Variants in ADAMTS12 observed in about 807,000 individuals in gnomAD.
ADAMTS12 encodes the protein ADAM metallopeptidase with thrombospondin type 1 motif 12, also known as A disintegrin and metalloproteinase with thrombospondin motifs 12.
A neutral mutation model predicts 167.8 loss-of-function variants in ADAMTS12; 118 were observed. The observed-to-expected ratio is 0.70, with a 90% CI of 0.61 to 0.82. The LOEUF is 0.82. ADAMTS12 is among the 40% of genes least tolerant of loss of function. The pLI is 0.00. For synonymous variants in ADAMTS12, 704 were observed against 716.9 expected, an observed-to-expected ratio of 0.98 and a Z score of 0.29; for missense variants, 1,916 against 1,998.8, an observed-to-expected ratio of 0.96 and a Z score of 0.79.
chr5:33,628,185 G>C (rs372125978), intron 13 of ADAMTS12, among the ~76,000 whole-genome samples: 26 of 152,074 alleles, frequency 1.7e-4, no homozygotes, highest in African/African-American at 6.3e-4. Context: ...AGGAGTCCAG[G>C]AGCTGAAGTC....
chr5:33,538,060 G>A lies in ADAMTS12; in HGVS notation c.4447-3068C>T, dbSNP rs149247027. On this transcript the variant is annotated intron_variant, in intron 22 of 23. Transcript: ENST00000504830. ...CAACTTTCTGAAAGCACAACCCAGT[G>A]GCCTTCACCTCATGCCATGTGTATT... Among the ~76,000 whole-genome samples, 613 of 152,204 alleles carry A rather than the reference G, an allele frequency of 4.0e-3. 5 individuals are homozygous for A. Among genetic ancestry groups the A allele is most frequent in the Non-Finnish European group, 7.1e-3 (486 of 68,016 alleles).
intron 14 of ADAMTS12, among the ~76,000 whole-genome samples, chr5:33,616,643 T>C (rs1244467222): frequency 6.6e-6 from 1 of 152,258 alleles, no homozygotes; most frequent in Non-Finnish European, 1.5e-5. Flanking sequence ...CAACTCTGAG[T>C]ACAGCCTTTT....
rs951567000 is a variant in ADAMTS12 at position 33,535,051 on chromosome 5, C to A, written c.4447-59G>T. 6.0e-6 allele frequency: 9 copies of A among 1,496,994 alleles called. No homozygotes were observed. The Admixed American group carries it at 1.2e-4, about 19-fold the overall frequency. 92.7% of individuals were successfully genotyped at this position (1,496,994 alleles called of 1,614,324 possible). On this transcript the variant is annotated intron_variant, in intron 22 of 23. Coordinates refer to ENST00000504830, the MANE Select transcript of ADAMTS12 (RefSeq NM_030955.4). Reference sequence around the variant, plus strand: ...CTCCCCACGACTCCCAAGGAAACACCAGTAGAACACCTCCAATCCCACTGT... The same window carrying A: ...CTCCCCACGACTCCCAAGGAAACACAAGTAGAACACCTCCAATCCCACTGT...
chr5:33,624,300 C>T lies in ADAMTS12; in HGVS notation c.2074G>A (p.Gly692Ser), dbSNP rs766189241. 1.2e-5 allele frequency: 20 copies of T among 1,613,948 alleles called. No individual in the cohort carries two copies. The highest frequency in any genetic ancestry group is 2.7e-5 in the African/African-American group (2 of 74,912). The change falls in exon 14 of 24, where the codon GGT (glycine) becomes AGT (serine). Residue 692 changes from glycine (G) to serine (S), a missense_variant. By Grantham distance (56) the Gly-to-Ser change is moderately conservative. Transcript: ENST00000504830. ...IDSNATEDRC[G>S]VCLGDGSSCQ... Reference sequence around the variant, plus strand: ...GAAGAGCCATCTCCCAGGCACACACCGCAGCGATCCTCGGTGGCATTGGAA... The same window carrying T: ...GAAGAGCCATCTCCCAGGCACACACTGCAGCGATCCTCGGTGGCATTGGAA...
rs558037300 is a variant in ADAMTS12 at position 33,754,001 on chromosome 5, G to T, written c.490-2453C>A. ...AATAGGTAGGAGAGGGGATGAAGCA[G>T]CTGTAGGGAGAGTGAGGTGGGGAAT... On this transcript the variant is annotated intron_variant, in intron 2 of 23. Coordinates refer to ENST00000504830, the MANE Select transcript of ADAMTS12 (RefSeq NM_030955.4). Among the ~76,000 whole-genome samples, 3 of 152,326 alleles carry T rather than the reference G, an allele frequency of 2.0e-5. No individual in the cohort carries two copies. In the South Asian group the frequency reaches 6.2e-4, roughly 32 times the overall value.
intron 19 of ADAMTS12, among the ~76,000 whole-genome samples, chr5:33,562,446 T>G (rs1745792800): frequency 6.6e-6 from 1 of 152,126 alleles, no homozygotes. Context: ...TGATTTTTCT[T>G]GCATCCCCTC....
chr5:33,699,481 G>A (rs149653231), intron 3 of ADAMTS12, among the ~76,000 whole-genome samples: 5 of 152,064 alleles, frequency 3.3e-5, no homozygotes, highest in African/African-American at 7.2e-5. Flanking sequence ...TAAAATATAC[G>A]AGAAAAATGT....
chr5:33,835,907 A>ATCTCTCTCTCTC (rs60393220), intron 2 of ADAMTS12, among the ~76,000 whole-genome samples: 49 of 111,718 alleles, frequency 4.4e-4, no homozygotes, highest in African/African-American at 1.4e-3. Context: ...GATAATATCC[A>ATCTCTCTCTCTC]TCTCTCTCTC....
At chr5:33,834,464 C>T (rs1748431012) in intron 2 of ADAMTS12, among the ~76,000 whole-genome samples, 2 of 152,148 alleles carry the variant, frequency 1.3e-5, no homozygotes, top group South Asian at 4.1e-4. Context: ...TTGAGGGTTT[C>T]CATCAGAGCC....
At chr5:33,531,137 G>A (rs1744079673) in intron 23 of ADAMTS12, among the ~76,000 whole-genome samples, 1 of 152,214 alleles carries the variant, frequency 6.6e-6, no homozygotes, top group South Asian at 2.1e-4. Flanking sequence ...GGCAGAGACT[G>A]GAATTCAGTT....
chr5:33,737,782 G>C (rs994464298), intron 3 of ADAMTS12, among the ~76,000 whole-genome samples: 11 of 152,152 alleles, frequency 7.2e-5, no homozygotes, highest in African/African-American at 2.7e-4. Context: ...AAGGGAGTTT[G>C]CTGAACATTC....
chr5:33,683,328 C>T (rs1214295059), intron 4 of ADAMTS12, among the ~76,000 whole-genome samples: 1 of 152,162 alleles, frequency 6.6e-6, no homozygotes, highest in African/African-American at 2.4e-5. Context: ...GAAGGATTAA[C>T]ATTTTTCTTT....
chr5:33,524,972 T>G lies in ADAMTS12; in HGVS notation c.*2216A>C, dbSNP rs1357283269. The G allele has an allele frequency of 6.6e-6, 1 of 152,204 alleles. No homozygotes were observed. Among genetic ancestry groups the G allele is most frequent in the Non-Finnish European group, 1.5e-5 (1 of 68,038 alleles). 9.4% of individuals were successfully genotyped at this position (152,204 alleles called of 1,614,324 possible). ...ACGGAGAAATTTGGCCTAGTTTAGT[T>G]GGTTGAGGTCAGTAGGAATCTGAGT... On this transcript the variant is annotated 3_prime_UTR_variant, in exon 24 of 24. Coordinates refer to ENST00000504830, the MANE Select transcript of ADAMTS12 (RefSeq NM_030955.4).
At chr5:33,766,792 T>C (rs1371288618) in intron 2 of ADAMTS12, among the ~76,000 whole-genome samples, 1 of 152,168 alleles carries the variant, frequency 6.6e-6, no homozygotes, top group African/African-American at 2.4e-5. Flanking sequence ...GTAGTAAAAT[T>C]GTGCAATTAC....
intron 2 of ADAMTS12, among the ~76,000 whole-genome samples, chr5:33,852,403 C>T (rs569293659): frequency 8.5e-5 from 13 of 152,192 alleles, no homozygotes; most frequent in East Asian, 1.9e-4. Flanking sequence ...TCATTTCTTA[C>T]GGCCAAAGCA....
chr5:33,617,917 T>G (rs979110207), intron 14 of ADAMTS12, among the ~76,000 whole-genome samples: 1 of 152,228 alleles, frequency 6.6e-6, no homozygotes, highest in Non-Finnish European at 1.5e-5. Flanking sequence ...TGCTTCTGAA[T>G]AGCTTGTAGA....
intron 14 of ADAMTS12, among the ~76,000 whole-genome samples, chr5:33,622,233 T>G (rs1035445409): frequency 1.3e-5 from 2 of 152,146 alleles, no homozygotes; most frequent in African/African-American, 4.8e-5. Context: ...TAGAGTTGGA[T>G]TTCCTAAGGG....
chr5:33,829,751 A>C (rs1748224450), intron 2 of ADAMTS12, among the ~76,000 whole-genome samples: 1 of 152,210 alleles, frequency 6.6e-6, no homozygotes, highest in African/African-American at 2.4e-5. Context: ...TTAACTAAGC[A>C]GCTGTGGTCG....
At chr5:33,795,041 T>C (rs1373075566) in intron 2 of ADAMTS12, among the ~76,000 whole-genome samples, 3 of 152,222 alleles carry the variant, frequency 2.0e-5, no homozygotes, top group Non-Finnish European at 2.9e-5. Flanking sequence ...TTCAAGCAGC[T>C]GGTCACAAGA....
Sources: allele counts gnomAD v4.1 joint callset (sites outside exome capture counted in the v4.1 genomes callset), GRCh38; gene constraint gnomAD v4.1.1; transcripts MANE v1.5; gene names NCBI Gene and HGNC (gene_info 2026-07-23, HGNC 2026-07-21).